The following PRLR variants were observed in gnomAD, a reference collection of about 807,000 sequenced individuals.
PRLR encodes the protein hPRL receptor.
In PRLR, 13 loss-of-function variants were observed where a neutral mutation model predicts 40.2. The ratio of observed to expected loss-of-function variants is 0.32; its 90% CI spans 0.21 to 0.51. The LOEUF (loss-of-function observed/expected upper bound fraction) is 0.51. Among genes scored for constraint, PRLR ranks in the 20% least tolerant of loss-of-function variants. PRLR has a pLI of 0.97. For synonymous variants in PRLR, 269 were observed against 278.7 expected, an observed-to-expected ratio of 0.97 and a Z score of 0.35; for missense variants, 656 against 747.3, an observed-to-expected ratio of 0.88 and a Z score of 1.42.
intron 1 of PRLR, among the ~76,000 whole-genome samples, chr5:35,120,830 T>C (rs930307202): frequency 1.3e-4 from 20 of 152,190 alleles, no homozygotes; most frequent in Non-Finnish European, 1.2e-4. Flanking sequence ...AAAGCAGAAG[T>C]TGAGAGAGTT....
chr5:35,171,781 T>C lies in PRLR; in HGVS notation c.-105-53659A>G, dbSNP rs185096510. Among the ~76,000 whole-genome samples, 12 of 152,268 alleles carry C rather than the reference T, an allele frequency of 7.9e-5. No individual in the cohort carries two copies. In the East Asian group the frequency reaches 1.9e-3, roughly 24 times the overall value. On this transcript the variant is annotated intron_variant, in intron 1 of 9. Coordinates refer to ENST00000618457, the MANE Select transcript of PRLR (RefSeq NM_000949.7). ...GACGTGAGTCTGGGGCCTGCTTAAG[T>C]TCATCCCTCAAAATGTCTTGCCTAG...
chr5:35,201,648 T>A (rs1334405538), intron 1 of PRLR, among the ~76,000 whole-genome samples: 2 of 152,214 alleles, frequency 1.3e-5, no homozygotes, highest in Admixed American at 6.5e-5. Flanking sequence ...CTTTGGAGCA[T>A]CTCAGAGATC....
At position 35,065,112 on chromosome 5, in the gene PRLR, A is replaced by G. The variant is rs751758872; in HGVS notation, c.1846T>C (p.Cys616Arg). 35 of 1,612,980 alleles carry G rather than the reference A, an allele frequency of 2.2e-5. No individual in the cohort carries two copies. Among genetic ancestry groups the G allele is most frequent in the Non-Finnish European group, 2.8e-5 (33 of 1,179,248 alleles). Residue 616 changes from cysteine to arginine, a missense_variant, in exon 10 of 10, where the codon TGT (cysteine) becomes CGT (arginine). By Grantham distance (180) the Cys-to-Arg change is radical (BLOSUM62 -3). This residue lies in a region of PRLR where 469 missense variants were observed against 491.5 expected (regional missense o/e 0.95). Transcript: ENST00000618457. ...LGGLDYLDPA[C>R]FTHSFH ...TATCAGTGAAAGGAGTGTGTAAAAC[A>G]TGCGGGATCCAGGTAATCCAAACCA...
intron 1 of PRLR, among the ~76,000 whole-genome samples, chr5:35,190,138 G>A (rs2111557090): frequency 1.3e-5 from 2 of 152,272 alleles, no homozygotes; most frequent in South Asian, 4.2e-4. Context: ...AAGCCACCCA[G>A]TTGTGGTACT....
At chr5:35,182,012 G>A (rs968244183) in intron 1 of PRLR, among the ~76,000 whole-genome samples, 16 of 151,922 alleles carry the variant, frequency 1.1e-4, no homozygotes, top group Admixed American at 9.8e-4. Flanking sequence ...ATTTGTTGAT[G>A]ATTTTTTTTT....
At chr5:35,178,402 T>C (rs1030139971) in intron 1 of PRLR, among the ~76,000 whole-genome samples, 2 of 152,222 alleles carry the variant, frequency 1.3e-5, no homozygotes, top group South Asian at 2.1e-4. Flanking sequence ...GATAGACATA[T>C]GGCCTATGAA....
rs778070448 is a variant in PRLR, at chr5:35,065,058, AT to A, written c.*30del. The A allele has an allele frequency of 6.3e-7, 1 of 1,584,546 alleles. No individual in the cohort carries two copies. ...GTAGTGTTACCTGAAGAAAAATCAC[AT>A]TTTAACCAATCATTCCATTAGTCAA... On this transcript the variant is annotated 3_prime_UTR_variant, in exon 10 of 10. Transcript: ENST00000618457.
intron 1 of PRLR, among the ~76,000 whole-genome samples, chr5:35,210,082 C>T (rs1242983361): frequency 6.6e-6 from 1 of 152,162 alleles, no homozygotes; most frequent in African/African-American, 2.4e-5. Flanking sequence ...CTTCATTTCC[C>T]TACATTGGCA....
intron 1 of PRLR, among the ~76,000 whole-genome samples, chr5:35,191,448 C>A (rs1215376605): frequency 6.6e-6 from 1 of 152,162 alleles, no homozygotes; most frequent in East Asian, 1.9e-4. Context: ...GCCAGGTGTG[C>A]AGGGAGAAAG....
At chr5:35,071,422 T>A (rs573284374) in intron 6 of PRLR, among the ~76,000 whole-genome samples, 10 of 152,194 alleles carry the variant, frequency 6.6e-5, no homozygotes, top group Admixed American at 1.3e-4. Context: ...AGGGACTGGG[T>A]ATTAAACGAT....
chr5:35,065,436 C>A lies in PRLR; in HGVS notation c.1522G>T (p.Asp508Tyr). The change falls in exon 10 of 10, where the codon GAT (aspartate) becomes TAT (tyrosine). Residue 508 changes from aspartate to tyrosine, a missense_variant. By Grantham distance (160) the Asp-to-Tyr change is radical. Around this residue, in one of 3 missense-constraint regions of PRLR, gnomAD observed 469 missense variants for 491.5 expected, o/e 0.95. Transcript: ENST00000618457. The stretch of plus-strand genomic sequence containing the variant: ...TTGACCTTGTGAATCTCCACATAAT[C>A]CAAGGGTTTAGCGGAGCCAAAGGGG... ...KTPFGSAKPL[D>Y]YVEIHKVNKD... is the part of the protein sequence containing the mutation. 1 of 1,614,092 alleles carries A rather than the reference C, an allele frequency of 6.2e-7. No homozygotes were observed. Among genetic ancestry groups the A allele is most frequent in the Non-Finnish European group, 8.5e-7 (1 of 1,180,020 alleles).
chr5:35,224,421 T>C (rs954243184), intron 1 of PRLR, among the ~76,000 whole-genome samples: 3 of 152,236 alleles, frequency 2.0e-5, no homozygotes, highest in Non-Finnish European at 4.4e-5. Flanking sequence ...GAGAAAGAAC[T>C]CAGTCTACCA....
At chr5:35,120,408 C>G (rs146769965) in intron 1 of PRLR, among the ~76,000 whole-genome samples, 71 of 152,320 alleles carry the variant, frequency 4.7e-4, no homozygotes, top group African/African-American at 1.7e-3. Flanking sequence ...CTTTTTCTGT[C>G]TGACCCTAAG....
Position 35,089,581 on chromosome 5 carries a change from G to T in PRLR, c.40C>A (p.Leu14Ile), listed in dbSNP as rs1368294421. ...NVASATVFTL[L>I]LFLNTCLLNG... Reference sequence around the variant, plus strand: ...AGAAGGCAGGTGTTGAGAAAAAGTAGCAGAGTGAAAACGGTTGCAGATGCC... The same window carrying T: ...AGAAGGCAGGTGTTGAGAAAAAGTATCAGAGTGAAAACGGTTGCAGATGCC... The change falls in exon 3 of 10, where the codon CTA (leucine) becomes ATA (isoleucine). Residue 14 changes from leucine to isoleucine, a missense_variant. By Grantham distance (5) the Leu-to-Ile change is conservative (BLOSUM62 2). This residue lies in a region of PRLR where 180 missense variants were observed against 236.8 expected (regional missense o/e 0.76). Coordinates refer to ENST00000618457, the MANE Select transcript of PRLR (RefSeq NM_000949.7). 1 of 1,613,796 alleles carries T rather than the reference G, an allele frequency of 6.2e-7. No homozygotes were observed. The highest frequency in any genetic ancestry group is 1.3e-5 in the African/African-American group (1 of 75,054).
intron 7 of PRLR, 42 bp from the exon 8 acceptor site, chr5:35,068,920 T>A: frequency 3.5e-6 from 5 of 1,447,066 alleles, no homozygotes; most frequent in Non-Finnish European, 4.8e-6. Context: ...ACGTACAGCA[T>A]CATTAAAAAC....
At chr5:35,081,651 A>G (rs981659886) in intron 5 of PRLR, 5 of 152,858 alleles carry the variant, frequency 3.3e-5, no homozygotes, top group African/African-American at 1.2e-4. Flanking sequence ...TAAACATACT[A>G]CTTTTCTATA....
At position 35,068,872 on chromosome 5, in the gene PRLR, G is replaced by A. The variant is rs1185879530; in HGVS notation, c.692C>T (p.Thr231Ile). ...ATFIQIPSDF[T>I]MNDTTVWISV... is the part of the protein sequence containing the mutation. ...GATCCACACGGTTGTATCATTCATG[G>A]TGAAGTCTAAAAAACAAACAGCCAG... is the stretch of plus-strand genomic sequence containing the variant. The change falls in exon 8 of 10, where the codon ACC (threonine) becomes ATC (isoleucine). Residue 231 changes from threonine (T) to isoleucine (I), a missense_variant. This residue lies in a region of PRLR where 469 missense variants were observed against 491.5 expected (regional missense o/e 0.95). Transcript: ENST00000618457. 3 of 1,609,622 alleles carry A rather than the reference G, an allele frequency of 1.9e-6. No individual in the cohort carries two copies. The highest frequency in any genetic ancestry group is 4.5e-5 in the East Asian group (2 of 44,830).
chr5:35,099,295 A>G (rs1389998821), intron 2 of PRLR, among the ~76,000 whole-genome samples: 2 of 152,188 alleles, frequency 1.3e-5, no homozygotes, highest in Non-Finnish European at 2.9e-5. Context: ...CTATAAGATG[A>G]CAATGGGGCT....
intron 2 of PRLR, among the ~76,000 whole-genome samples, chr5:35,111,001 C>G (rs2111645523): frequency 1.3e-5 from 2 of 152,318 alleles, no homozygotes; most frequent in East Asian, 3.9e-4. Flanking sequence ...TACCCCCACC[C>G]CATCCCAGGC....
Sources: gnomAD v4.1 joint callset for allele counts (sites outside exome capture counted in the v4.1 genomes callset) on GRCh38, gnomAD v4.1.1 for gene constraint, gnomAD v4.1.1 regional missense constraint, MANE v1.5 for transcripts, NCBI Gene and HGNC (gene_info 2026-07-23, HGNC 2026-07-21) for gene names.